The following MSRA variants were observed in gnomAD, a reference collection of about 807,000 sequenced individuals.
The protein encoded by MSRA is methionine sulfoxide reductase A, also known as mitochondrial peptide methionine sulfoxide reductase.
Under a neutral mutation model 31.3 loss-of-function variants are expected in MSRA, and 54 were observed. The ratio of observed to expected loss-of-function variants is 1.73; its 90% CI spans 1.39 to 2.17. MSRA has a LOEUF of 2.17. Among genes scored for constraint, MSRA ranks in the 30% most tolerant of loss-of-function variants. The probability of loss-of-function intolerance (pLI) is 0.00; values close to 1 mark genes in which losing one functional copy is unlikely to be tolerated. For synonymous variants in MSRA, 169 were observed against 116.5 expected (o/e 1.45, Z -2.90); for missense variants, 507 against 300.9 (o/e 1.69, Z -5.07).
In MSRA at chr8:10,123,095, G is replaced by T. The variant is rs558136318; in HGVS notation, c.142+68437G>T. Among the ~76,000 whole-genome samples, 92 of 152,258 alleles carry T rather than the reference G, an allele frequency of 6.0e-4. 1 individual carries two copies. The highest frequency in any genetic ancestry group is 9.6e-4 in the Non-Finnish European group (65 of 68,024). ...ATAGCAGTTCTGTTTTTAGCTCTTC[G>T]AGGAATTGCCACACTGCTTTCCGCA... On this transcript the variant is annotated intron_variant, in intron 1 of 5. Transcript: ENST00000317173.
chr8:10,087,668 C>A (rs574658273), intron 1 of MSRA, among the ~76,000 whole-genome samples: 2 of 152,264 alleles, frequency 1.3e-5, no homozygotes, highest in African/African-American at 4.8e-5. Context: ...TTGCCTGTCT[C>A]AGTGTTCAAT....
At chr8:10,065,885 A>C (rs368621692) in intron 1 of MSRA, among the ~76,000 whole-genome samples, 2 of 151,472 alleles carry the variant, frequency 1.3e-5, no homozygotes, top group Admixed American at 1.3e-4. Context: ...CTAAGAGTCA[A>C]CTCTTCTGCC....
At chr8:10,346,915 G>C (rs1046742944) in intron 5 of MSRA, among the ~76,000 whole-genome samples, 2 of 152,160 alleles carry the variant, frequency 1.3e-5, no homozygotes, top group African/African-American at 4.8e-5. Flanking sequence ...TGAAGGTTCT[G>C]TTTTTATATA....
chr8:10,085,446 T>C (rs944262124), intron 1 of MSRA, among the ~76,000 whole-genome samples: 3 of 152,216 alleles, frequency 2.0e-5, no homozygotes, highest in African/African-American at 7.2e-5. Context: ...ATAACTTCCA[T>C]GGATCTGTCC....
At chr8:10,399,280 G>C (rs1307997681) in intron 5 of MSRA, among the ~76,000 whole-genome samples, 2 of 152,226 alleles carry the variant, frequency 1.3e-5, no homozygotes, top group Non-Finnish European at 2.9e-5. Context: ...ATGGTCTACT[G>C]TAGTAAGTGT....
chr8:10,318,936 C>T (rs560411354), intron 4 of MSRA, among the ~76,000 whole-genome samples: 18 of 152,302 alleles, frequency 1.2e-4, no homozygotes, highest in Admixed American at 3.3e-4. Context: ...CGCACTGCTC[C>T]GCAGTCCTTA....
rs367978405 is a variant in MSRA, at chr8:10,301,625, C to G, written c.423C>G (p.His141Gln). Residue 141 changes from histidine to glutamine, a missense_variant, in exon 4 of 6, where the codon CAC (histidine) becomes CAG (glutamine). By Grantham distance (24) the His-to-Gln change is conservative. Coordinates refer to ENST00000317173, the MANE Select transcript of MSRA (RefSeq NM_012331.5). ...EELLKVFWEN[H>Q]DPTQGMRQGN... Reference sequence around the variant, plus strand: ...TGCTCAAGGTCTTCTGGGAGAATCACGACCCGACCCAAGGTAGAGTGATGA... The same window carrying G: ...TGCTCAAGGTCTTCTGGGAGAATCAGGACCCGACCCAAGGTAGAGTGATGA... 79 of 1,613,594 alleles carry G rather than the reference C, an allele frequency of 4.9e-5. No individual in the cohort carries two copies. The highest frequency in any genetic ancestry group is 4.2e-4 in the East Asian group (19 of 44,896).
chr8:10,234,701 C>T (rs149809685), intron 2 of MSRA, among the ~76,000 whole-genome samples: 2 of 151,636 alleles, frequency 1.3e-5, no homozygotes, highest in African/African-American at 2.4e-5. Flanking sequence ...AGAAATGCAC[C>T]TAAAATAAAG....
intron 3 of MSRA, among the ~76,000 whole-genome samples, chr8:10,290,123 G>T (rs1800153575): frequency 6.6e-6 from 1 of 152,144 alleles, no homozygotes; most frequent in South Asian, 2.1e-4. Context: ...AACTCAATGT[G>T]GTTCTTCAGA....
At chr8:10,387,526 A>G (rs1399657951) in intron 5 of MSRA, among the ~76,000 whole-genome samples, 1 of 152,154 alleles carries the variant, frequency 6.6e-6, no homozygotes, top group African/African-American at 2.4e-5. Context: ...GGGGTGGTAA[A>G]TGATTCTTAG....
At chr8:10,391,676 G>A (rs1563426998) in intron 5 of MSRA, among the ~76,000 whole-genome samples, 2 of 152,162 alleles carry the variant, frequency 1.3e-5, no homozygotes, top group Non-Finnish European at 2.9e-5. Context: ...TGGGCTAGGA[G>A]TCGGTTCTTC....
intron 3 of MSRA, chr8:10,250,452 C>G: frequency 2.8e-6 from 2 of 702,386 alleles, no homozygotes; most frequent in Non-Finnish European, 5.2e-6. Context: ...GTTTATTAGT[C>G]TATTCAAAAG....
chr8:10,057,449 C>T (rs1802440998), intron 1 of MSRA, among the ~76,000 whole-genome samples: 1 of 152,154 alleles, frequency 6.6e-6, no homozygotes, highest in Non-Finnish European at 1.5e-5. Context: ...CCTCAGAGTG[C>T]CTTCCATTTT....
intron 5 of MSRA, among the ~76,000 whole-genome samples, chr8:10,324,454 T>G (rs1256993468): frequency 6.6e-6 from 1 of 152,118 alleles, no homozygotes; most frequent in African/African-American, 2.4e-5. Context: ...CCACGGAACA[T>G]GGGTTCCTGC....
At chr8:10,143,568 A>G (rs1229776355) in intron 1 of MSRA, among the ~76,000 whole-genome samples, 1 of 152,206 alleles carries the variant, frequency 6.6e-6, no homozygotes, top group Admixed American at 6.5e-5. Flanking sequence ...CATTATTGCC[A>G]GACATAAAAC....
At chr8:10,198,737 G>T (rs1808215150) in intron 1 of MSRA, among the ~76,000 whole-genome samples, 1 of 152,060 alleles carries the variant, frequency 6.6e-6, no homozygotes, top group South Asian at 2.1e-4. Flanking sequence ...GTTTCTCCTG[G>T]CTCAGCCTCC....
At chr8:10,291,318 A>C (rs1269673378) in intron 3 of MSRA, among the ~76,000 whole-genome samples, 1 of 152,162 alleles carries the variant, frequency 6.6e-6, no homozygotes, top group Non-Finnish European at 1.5e-5. Context: ...AAAAATTCAC[A>C]ATTGCTCCAC....
At chr8:10,278,762 G>C (rs145282333) in intron 3 of MSRA, among the ~76,000 whole-genome samples, 95 of 152,314 alleles carry the variant, frequency 6.2e-4, no homozygotes, top group African/African-American at 2.2e-3. Flanking sequence ...TAGTATTTGT[G>C]AGTACAGCCC....
At chr8:10,166,663 C>T (rs923003243) in intron 1 of MSRA, among the ~76,000 whole-genome samples, 2 of 152,160 alleles carry the variant, frequency 1.3e-5, no homozygotes, top group Non-Finnish European at 2.9e-5. Flanking sequence ...GCATTTTTCC[C>T]TCCAGCCTCT....
Sources: gnomAD v4.1 joint callset for allele counts (sites outside exome capture counted in the v4.1 genomes callset) on GRCh38, gnomAD v4.1.1 for gene constraint, MANE v1.5 for transcripts, NCBI Gene and HGNC (gene_info 2026-07-23, HGNC 2026-07-21) for gene names.